The following TRHDE variants were observed in gnomAD, a reference collection of about 807,000 sequenced individuals.
TRHDE encodes the protein thyrotropin releasing hormone degrading enzyme.
Under a neutral mutation model 125.7 loss-of-function variants are expected in TRHDE, and 72 were observed. The ratio of observed to expected loss-of-function variants is 0.57; its 90% CI spans 0.47 to 0.70. The LOEUF (loss-of-function observed/expected upper bound fraction) is 0.70, where lower values mean the gene tolerates loss of function less well. Ranked by LOEUF, TRHDE falls within the 30% of genes least tolerant of loss-of-function variation. TRHDE has a pLI of 0.00. For missense variants in TRHDE, 1,110 were observed against 1,327.1 expected (o/e 0.84, Z 2.54); for synonymous variants, 509 against 509.1 (o/e 1.00, Z 0.00).
chr12:72,296,757 AAG>A (rs1880316472), intron 2 of TRHDE, among the ~76,000 whole-genome samples: 1 of 152,134 alleles, frequency 6.6e-6, no homozygotes, highest in South Asian at 2.1e-4. Context: ...TTAAAAAGAA[AAG>A]AATAAAATTG....
intron 5 of TRHDE, among the ~76,000 whole-genome samples, chr12:72,488,758 A>G (rs548697130): frequency 6.6e-6 from 1 of 152,104 alleles, no homozygotes; most frequent in African/African-American, 2.4e-5. Flanking sequence ...TAAGGCCACA[A>G]AACAAGTCTT....
intron 2 of TRHDE, among the ~76,000 whole-genome samples, chr12:72,293,927 C>T (rs934695086): frequency 1.1e-4 from 17 of 152,258 alleles, no homozygotes; most frequent in East Asian, 3.9e-4. Context: ...GGTCCAGCCA[C>T]GGTGCACAAT....
chr12:72,270,279 C>T (rs115633334), upstream of TRHDE, among the ~76,000 whole-genome samples: 2,636 of 151,462 alleles, frequency 0.017, 70 homozygotes, highest in African/African-American at 0.06. Flanking sequence ...GGCCCACATA[C>T]AACATGCTTA....
chr12:72,207,091 A>T (rs1477149614), intron 2 of TRHDE, among the ~76,000 whole-genome samples: 1 of 152,280 alleles, frequency 6.6e-6, no homozygotes, highest in African/African-American at 2.4e-5. Flanking sequence ...TTTACTTGCA[A>T]TGTTATTTTA....
At chr12:72,611,585 A>C (rs578005266) in intron 12 of TRHDE, among the ~76,000 whole-genome samples, 16 of 152,282 alleles carry the variant, frequency 1.1e-4, no homozygotes, top group Admixed American at 5.9e-4. Flanking sequence ...TCATTTCATG[A>C]ACCTTCACTC....
intron 6 of TRHDE, among the ~76,000 whole-genome samples, chr12:72,517,804 A>T (rs1446680286): frequency 1.3e-5 from 2 of 151,530 alleles, no homozygotes; most frequent in Non-Finnish European, 3.0e-5. Flanking sequence ...TTCCCTCTAC[A>T]CACTGCTTTG....
At chr12:72,112,558 C>T (rs759166521) in intron 2 of TRHDE, among the ~76,000 whole-genome samples, 1 of 152,074 alleles carries the variant, frequency 6.6e-6, no homozygotes, top group Non-Finnish European at 1.5e-5. Flanking sequence ...ACATTGAATT[C>T]CTGATGATAA....
At chr12:72,252,840 G>C (rs1247393452) in intron 2 of TRHDE, among the ~76,000 whole-genome samples, 1 of 152,008 alleles carries the variant, frequency 6.6e-6, no homozygotes. Context: ...GCATCAGATA[G>C]TATACATTTT....
chr12:72,611,254 G>A, intron 12 of TRHDE: 1 of 169,972 alleles, frequency 5.9e-6, no homozygotes. Flanking sequence ...ACCCTCAGTG[G>A]CTTTGCACTA....
At chr12:72,191,214 G>A (rs1200500937) in intron 2 of TRHDE, among the ~76,000 whole-genome samples, 1 of 152,162 alleles carries the variant, frequency 6.6e-6, no homozygotes, top group Non-Finnish European at 1.5e-5. Flanking sequence ...ACTGGTTAGT[G>A]GAGATCGTGG....
chr12:72,281,838 T>G (rs1879708536), intron 1 of TRHDE, among the ~76,000 whole-genome samples: 1 of 152,198 alleles, frequency 6.6e-6, no homozygotes, highest in African/African-American at 2.4e-5. Flanking sequence ...CATAATGACT[T>G]GATACAAGTA....
chr12:72,449,733 T>C (rs902225718), intron 3 of TRHDE, among the ~76,000 whole-genome samples: 1 of 152,018 alleles, frequency 6.6e-6, no homozygotes, highest in African/African-American at 2.4e-5. Context: ...TTGGAAAGGA[T>C]TTAAAGACAG....
intron 3 of TRHDE, among the ~76,000 whole-genome samples, chr12:72,437,149 A>G (rs1398942763): frequency 2.6e-5 from 4 of 151,858 alleles, no homozygotes; most frequent in Non-Finnish European, 5.9e-5. Flanking sequence ...CTGTTTCCCT[A>G]TGTATAAAAT....
intron 3 of TRHDE, among the ~76,000 whole-genome samples, chr12:72,441,887 C>T (rs1008974277): frequency 4.6e-5 from 7 of 151,810 alleles, no homozygotes; most frequent in Admixed American, 1.3e-4. Context: ...AGGAATCCTC[C>T]GATTTTCTGC....
At chr12:72,383,787 C>T (rs1365809425) in intron 3 of TRHDE, among the ~76,000 whole-genome samples, 1 of 149,778 alleles carries the variant, frequency 6.7e-6, no homozygotes, top group African/African-American at 2.5e-5. Context: ...TATGTTTTGA[C>T]CACACAGCAG....
chr12:72,138,384 A>C (rs115054579), intron 2 of TRHDE, among the ~76,000 whole-genome samples: 5,334 of 152,258 alleles, frequency 0.035, 158 homozygotes, highest in African/African-American at 0.084. Context: ...AAAAAAACCC[A>C]AAAACCAAAG....
intron 2 of TRHDE, among the ~76,000 whole-genome samples, chr12:72,154,443 T>C (rs1410952267): frequency 1.3e-5 from 2 of 152,336 alleles, no homozygotes; most frequent in African/African-American, 4.8e-5. Flanking sequence ...CATTATGATT[T>C]TAGCTGGCTA....
intron 3 of TRHDE, among the ~76,000 whole-genome samples, chr12:72,444,999 C>T (rs568188828): frequency 7.2e-5 from 11 of 151,840 alleles, no homozygotes; most frequent in Admixed American, 3.3e-4. Flanking sequence ...TGCTTAGTTG[C>T]TCTCTGTGTT....
chr12:72,572,089 G>C (rs1357635606), intron 10 of TRHDE, among the ~76,000 whole-genome samples: 2 of 150,386 alleles, frequency 1.3e-5, no homozygotes, highest in African/African-American at 4.9e-5. Flanking sequence ...ATATGCACAG[G>C]ATTCTTTATA....
Sources: gnomAD v4.1 joint callset for allele counts (sites outside exome capture counted in the v4.1 genomes callset) on GRCh38, gnomAD v4.1.1 for gene constraint, MANE v1.5 for transcripts, NCBI Gene and HGNC (gene_info 2026-07-23, HGNC 2026-07-21) for gene names.